CHODL: variants seen among roughly 807,000 people sequenced by gnomAD.
CHODL encodes the protein transmembrane protein MT75.
CHODL carries 29 observed loss-of-function variants against 34.5 expected under a neutral mutation model. The observed-to-expected ratio is 0.84, with a 90% CI of 0.63 to 1.15. The LOEUF (loss-of-function observed/expected upper bound fraction) is 1.15, where lower values mean the gene tolerates loss of function less well. Ranked by LOEUF, CHODL falls within the 50% of genes most tolerant of loss-of-function variation. CHODL has a pLI of 0.00. For synonymous variants in CHODL, 125 were observed against 116.1 expected, an observed-to-expected ratio of 1.08 and a Z score of -0.49; for missense variants, 332 against 332.5, an observed-to-expected ratio of 1.00 and a Z score of 0.01.
Position 17,996,115 on chromosome 21 carries a change from C to G in CHODL, c.-144-31757C>G, listed in dbSNP as rs538908284. Among the ~76,000 whole-genome samples the G allele has an allele frequency of 4.2e-4, 64 of 152,094 alleles. 1 individual carries two copies. The South Asian group carries it at 0.012, about 30-fold the overall frequency. On this transcript the variant is annotated intron_variant, in intron 1 of 6. Transcript: ENST00000400127. ...CAAAGGCTCATTTTACCTATGGTCA[C>G]ATGCTTCCCATCCTTGAGCGTCTAA...
chr21:18,041,386 G>A (rs1388534079), intron 2 of CHODL, among the ~76,000 whole-genome samples: 5 of 151,714 alleles, frequency 3.3e-5, no homozygotes, highest in Non-Finnish European at 7.4e-5. Context: ...TATATTTTGA[G>A]CATTAAAATT....
chr21:18,266,220 G>A lies in CHODL; in HGVS notation c.*182G>A, dbSNP rs1038712997. The A allele has an allele frequency of 1.3e-6, 2 of 1,519,754 alleles. No homozygotes were observed. The highest frequency in any genetic ancestry group is 1.8e-6 in the Non-Finnish European group (2 of 1,132,944). The allele number at this position is 1,519,754 out of a possible 1,614,324, so 94.1% of individuals were successfully genotyped here. ...TATTATTTCATTTAAAGAATATGCT[G>A]TGCTAATAATGGAGTGAGACATGCT... On this transcript the variant is annotated 3_prime_UTR_variant, in exon 6 of 6. Transcript: ENST00000299295.
chr21:18,243,352 A>G (rs889514501), upstream of CHODL, among the ~76,000 whole-genome samples: 1 of 151,970 alleles, frequency 6.6e-6, no homozygotes, highest in East Asian at 1.9e-4. Flanking sequence ...TCAGTTTTCC[A>G]TTTTTCATTC....
chr21:18,093,095 A>G (rs996821946), intron 2 of CHODL, among the ~76,000 whole-genome samples: 10 of 152,216 alleles, frequency 6.6e-5, no homozygotes, highest in Non-Finnish European at 7.3e-5. Context: ...GCAAGAGAAA[A>G]GAAACAAATA....
intron 2 of CHODL, among the ~76,000 whole-genome samples, chr21:18,180,915 G>T (rs4816766): frequency 0.12 from 17,580 of 152,130 alleles, 1,139 homozygotes; most frequent in East Asian, 0.22. Context: ...ACACTTATTT[G>T]TCAGAGGATT....
intron 2 of CHODL, among the ~76,000 whole-genome samples, chr21:18,183,272 C>T (rs1017198957): frequency 6.6e-6 from 1 of 152,122 alleles, no homozygotes; most frequent in African/African-American, 2.4e-5. Context: ...GAGATTGAAC[C>T]AGGGCTTGGC....
intron 2 of CHODL, among the ~76,000 whole-genome samples, chr21:18,156,962 C>T (rs2073042030): frequency 6.6e-6 from 1 of 152,160 alleles, no homozygotes; most frequent in Admixed American, 6.5e-5. Context: ...CTATCCTTGC[C>T]CTCTCTGAGT....
chr21:18,020,874 A>G (rs158048), intron 1 of CHODL, among the ~76,000 whole-genome samples: 51,176 of 152,022 alleles, frequency 0.34, 12,745 homozygotes, highest in African/African-American at 0.7. Flanking sequence ...GGAGGCTGAG[A>G]TGGGAGGATC....
chr21:18,193,289 C>T (rs2073533459), intron 2 of CHODL, among the ~76,000 whole-genome samples: 1 of 152,080 alleles, frequency 6.6e-6, no homozygotes, highest in African/African-American at 2.4e-5. Context: ...TCCCTGAGAT[C>T]CACAATGTTT....
At chr21:18,193,712 AAAATAAATAAATAAAT>A (rs199894126) in intron 2 of CHODL, among the ~76,000 whole-genome samples, 1 of 139,308 alleles carries the variant, frequency 7.2e-6, no homozygotes, top group Non-Finnish European at 1.5e-5. Flanking sequence ...AAAAAAAAAT[AAAATAAATAAATAAAT>A]AAATAAATAA....
At chr21:18,109,202 A>T (rs571254104) in intron 2 of CHODL, among the ~76,000 whole-genome samples, 1 of 152,174 alleles carries the variant, frequency 6.6e-6, no homozygotes, top group African/African-American at 2.4e-5. Flanking sequence ...CATGAAAATC[A>T]TCTCAATCTC....
chr21:18,244,490 A>T (rs2074112110), upstream of CHODL, among the ~76,000 whole-genome samples: 1 of 152,244 alleles, frequency 6.6e-6, no homozygotes, highest in Non-Finnish European at 1.5e-5. Flanking sequence ...TAAGCAATTT[A>T]GCACAGAAAG....
At chr21:17,927,152 ATATATATG>A (rs1012815131) in intron 1 of CHODL, among the ~76,000 whole-genome samples, 2,878 of 57,828 alleles carry the variant, frequency 0.05, 116 homozygotes, top group South Asian at 0.18. Flanking sequence ...GTATATATGT[ATATATATG>A]TATATATGTA....
chr21:18,016,110 A>G (rs1313312357), intron 1 of CHODL, among the ~76,000 whole-genome samples: 2 of 152,248 alleles, frequency 1.3e-5, no homozygotes, highest in Non-Finnish European at 2.9e-5. Context: ...ATTGGCCAAG[A>G]CAATGGGGAA....
intron 1 of CHODL, among the ~76,000 whole-genome samples, chr21:17,967,753 A>G (rs2063583973): frequency 6.6e-6 from 1 of 152,156 alleles, no homozygotes; most frequent in Non-Finnish European, 1.5e-5. Context: ...TCTTTTTTCA[A>G]GCAGTCTCTG....
chr21:17,934,437 C>G lies in CHODL; in HGVS notation c.-145+17037C>G, dbSNP rs903796938. On this transcript the variant is annotated intron_variant, in intron 1 of 6. Transcript: ENST00000400127. ...ACATTTTGTCTGTCTTTCACTCTCT[C>G]TCTCTCTCTCCCTATTAGTATAGAG... Among the ~76,000 whole-genome samples the G allele has an allele frequency of 2.6e-5, 4 of 152,006 alleles. No homozygotes were observed. The East Asian group carries it at 5.8e-4, about 22-fold the overall frequency.
intron 1 of CHODL, among the ~76,000 whole-genome samples, chr21:17,941,845 G>C (rs1373324280): frequency 1.3e-5 from 2 of 152,112 alleles, no homozygotes; most frequent in African/African-American, 4.8e-5. Context: ...TTTGTTGTAT[G>C]GTGAGGGCCC....
chr21:18,188,651 A>G (rs1379927945), intron 2 of CHODL, among the ~76,000 whole-genome samples: 1 of 152,208 alleles, frequency 6.6e-6, no homozygotes, highest in African/African-American at 2.4e-5. Flanking sequence ...TTGGTCTTGG[A>G]TCCCCAAAGA....
intron 2 of CHODL, among the ~76,000 whole-genome samples, chr21:18,167,211 CTGTGTGTGTGTGTGTGTG>C (rs71329776): frequency 9.1e-5 from 8 of 88,136 alleles, no homozygotes; most frequent in Non-Finnish European, 1.9e-4. Context: ...TTCTCTCTCT[CTGTGTGTGTGTGTGTGTG>C]TGTGTGTGTG....
Sources: gnomAD v4.1 joint callset for allele counts (sites outside exome capture counted in the v4.1 genomes callset) on GRCh38, gnomAD v4.1.1 for gene constraint, MANE v1.5 for transcripts, NCBI Gene and HGNC (gene_info 2026-07-23, HGNC 2026-07-21) for gene names.